CHODL: variants seen among roughly 807,000 people sequenced by gnomAD.
CHODL encodes the protein chondrolectin, also known as transmembrane protein MT75.
CHODL carries 29 observed loss-of-function variants against 34.5 expected under a neutral mutation model. The observed-to-expected ratio is 0.84, with a 90% CI of 0.63 to 1.15. The LOEUF is 1.15. Ranked by LOEUF, CHODL falls within the 50% of genes most tolerant of loss-of-function variation. The pLI is 0.00. For missense variants in CHODL, 332 were observed against 332.5 expected, an observed-to-expected ratio of 1.00 and a Z score of 0.01; for synonymous variants, 125 against 116.1, an observed-to-expected ratio of 1.08 and a Z score of -0.49.
At chr21:18,090,701 C>A in intron 2 of CHODL, among the ~76,000 whole-genome samples, 2 of 124,878 alleles carry the variant, frequency 1.6e-5, no homozygotes, top group South Asian at 2.9e-4. Flanking sequence ...TTAAGAGTTT[C>A]AGAAACTTGC....
chr21:18,173,459 T>A (rs1291536044), intron 2 of CHODL, among the ~76,000 whole-genome samples: 4 of 152,220 alleles, frequency 2.6e-5, no homozygotes, highest in Non-Finnish European at 4.4e-5. Flanking sequence ...TGTATCTTCA[T>A]AATGTAATAA....
chr21:17,935,991 G>C (rs1026309277), intron 1 of CHODL, among the ~76,000 whole-genome samples: 1 of 152,186 alleles, frequency 6.6e-6, no homozygotes, highest in Admixed American at 6.5e-5. Flanking sequence ...CTGTGAGCCT[G>C]GCAATTTTTT....
At chr21:18,028,096 A>G (rs1265277346) in intron 2 of CHODL, 5 of 152,266 alleles carry the variant, frequency 3.3e-5, no homozygotes, top group Middle Eastern at 3.4e-3. Flanking sequence ...AAGAAACCTC[A>G]TATTTCAGTG....
intron 2 of CHODL, among the ~76,000 whole-genome samples, chr21:18,126,249 G>A (rs2065542545): frequency 6.6e-6 from 1 of 152,142 alleles, no homozygotes; most frequent in South Asian, 2.1e-4. Flanking sequence ...CCAGCAAAAG[G>A]ATTATGACTC....
intron 2 of CHODL, among the ~76,000 whole-genome samples, chr21:18,159,979 A>T (rs929893912): frequency 6.6e-6 from 1 of 152,234 alleles, no homozygotes; most frequent in Non-Finnish European, 1.5e-5. Flanking sequence ...ACCTGAAAAG[A>T]TCCTCATCAG....
In CHODL at chr21:17,976,313, T is replaced by C. The variant is rs79394182; in HGVS notation, c.-144-51559T>C. On this transcript the variant is annotated intron_variant, in intron 1 of 6. Coordinates refer to the CHODL transcript ENST00000400127. ...AAAAAAAAAAAGACATTGTTTCTTA[T>C]TGTTTTTCAAGTTTCTATTCTTTTA... 8.8e-3 allele frequency among the ~76,000 whole-genome samples: 1,329 copies of C among 151,544 alleles called. 6 individuals are homozygous for C. The highest frequency in any genetic ancestry group is 0.015 in the Non-Finnish European group (1,003 of 67,894).
chr21:18,097,969 A>C (rs2146539485), intron 2 of CHODL, among the ~76,000 whole-genome samples: 1 of 152,250 alleles, frequency 6.6e-6, no homozygotes, highest in East Asian at 1.9e-4. Flanking sequence ...AACTGGGGAA[A>C]AGACAGTCAC....
chr21:18,140,341 G>A (rs1411157092), intron 2 of CHODL, among the ~76,000 whole-genome samples: 1 of 152,096 alleles, frequency 6.6e-6, no homozygotes, highest in Non-Finnish European at 1.5e-5. Context: ...GAGGACAGTG[G>A]TAAACTTAGG....
chr21:18,012,490 T>A (rs189533801), intron 1 of CHODL, among the ~76,000 whole-genome samples: 1 of 152,332 alleles, frequency 6.6e-6, no homozygotes, highest in East Asian at 1.9e-4. Context: ...TTGCTACTAT[T>A]AATGTATATA....
chr21:18,254,418 A>G (rs771780375), intron 1 of CHODL, among the ~76,000 whole-genome samples: 4 of 152,174 alleles, frequency 2.6e-5, no homozygotes, highest in African/African-American at 4.8e-5. Context: ...AGAAAGTAGA[A>G]GAGGCTATGG....
chr21:18,183,024 C>A (rs1037078303), intron 2 of CHODL, among the ~76,000 whole-genome samples: 1 of 152,138 alleles, frequency 6.6e-6, no homozygotes, highest in African/African-American at 2.4e-5. Context: ...GAAGGAAATT[C>A]TCCCTTATTG....
intron 1 of CHODL, among the ~76,000 whole-genome samples, chr21:17,994,171 T>G (rs1459732944): frequency 1.3e-5 from 2 of 152,154 alleles, no homozygotes; most frequent in Non-Finnish European, 2.9e-5. Flanking sequence ...TTCTTGTTTA[T>G]CTAGTTCCTT....
At chr21:18,097,777 A>G (rs544488971) in intron 2 of CHODL, among the ~76,000 whole-genome samples, 1 of 152,268 alleles carries the variant, frequency 6.6e-6, no homozygotes, top group African/African-American at 2.4e-5. Flanking sequence ...TTGAGCAAAA[A>G]GAACAAAACT....
intron 1 of CHODL, among the ~76,000 whole-genome samples, chr21:17,965,388 A>G (rs909613632): frequency 7.2e-5 from 11 of 152,124 alleles, no homozygotes; most frequent in Admixed American, 7.2e-4. Context: ...TAGTGCAGTC[A>G]TATTTTTCTA....
chr21:18,218,186 C>A (rs2073849210), intron 2 of CHODL, among the ~76,000 whole-genome samples: 1 of 152,224 alleles, frequency 6.6e-6, no homozygotes, highest in Non-Finnish European at 1.5e-5. Context: ...TCCTACATTT[C>A]CCTTCCACAC....
At chr21:18,136,100 T>C (rs1161262085) in intron 2 of CHODL, among the ~76,000 whole-genome samples, 11 of 85,152 alleles carry the variant, frequency 1.3e-4, no homozygotes, top group Admixed American at 5.9e-4. Context: ...AGCAAGATTA[T>C]GTCTCAAAAA....
chr21:18,237,723 A>G (rs73318203), intron 2 of CHODL, among the ~76,000 whole-genome samples: 8,067 of 152,210 alleles, frequency 0.053, 675 homozygotes, highest in African/African-American at 0.18. Context: ...CCAAATACAT[A>G]GCAAGTATTC....
At chr21:18,167,563 C>A (rs1170627495) in intron 2 of CHODL, among the ~76,000 whole-genome samples, 1 of 152,088 alleles carries the variant, frequency 6.6e-6, no homozygotes, top group African/African-American at 2.4e-5. Context: ...CCCATCTTGG[C>A]CTCCCAAAAT....
At chr21:17,929,880 G>GGCT (rs1436417984) in intron 1 of CHODL, among the ~76,000 whole-genome samples, 4 of 151,810 alleles carry the variant, frequency 2.6e-5, no homozygotes, top group African/African-American at 4.8e-5. Context: ...TGTGTATCAC[G>GGCT]GCTGCTGCTG....
Sources: gnomAD v4.1 joint callset for allele counts (sites outside exome capture counted in the v4.1 genomes callset) on GRCh38, gnomAD v4.1.1 for gene constraint, MANE v1.5 for transcripts, NCBI Gene and HGNC (gene_info 2026-07-23, HGNC 2026-07-21) for gene names.